KCNQ1: variants seen among roughly 807,000 people sequenced by gnomAD.
KCNQ1 encodes potassium voltage-gated channel subfamily Q member 1, also known as potassium voltage-gated channel subfamily KQT member 1.
In KCNQ1, 49 loss-of-function variants were observed where a neutral mutation model predicts 72.4. The observed-to-expected ratio is 0.68, with a 90% confidence interval of 0.54 to 0.86. The LOEUF (loss-of-function observed/expected upper bound fraction) is 0.86, where lower values mean the gene tolerates loss of function less well. KCNQ1 is among the 40% of genes least tolerant of loss of function. KCNQ1 has a pLI of 0.00. For missense variants in KCNQ1, 790 were observed against 945.1 expected (o/e 0.84, Z 2.15); for synonymous variants, 450 against 412.6 (o/e 1.09, Z -1.10).
chr11:2,538,621 C>G lies in KCNQ1; in HGVS notation c.477+10603C>G, dbSNP rs953472523. Reference sequence around the variant, plus strand: ...TCCTGGGCTGGAACCGGAACGTTCCCCGAGTACATAGGAATCCTGGGCTGG... The same window carrying G: ...TCCTGGGCTGGAACCGGAACGTTCCGCGAGTACATAGGAATCCTGGGCTGG... On this transcript the variant is annotated intron_variant, in intron 2 of 15. Coordinates refer to ENST00000155840, the MANE Select transcript of KCNQ1 (RefSeq NM_000218.3). This position sits in a 1 kb window ranked among gnomAD's most constrained non-coding sequence, Gnocchi z 6.7. Among the ~76,000 whole-genome samples the G allele has an allele frequency of 2.6e-5, 4 of 151,970 alleles. No homozygotes were observed. Among genetic ancestry groups the G allele is most frequent in the Non-Finnish European group, 5.9e-5 (4 of 68,014 alleles).
At chr11:2,506,434 G>A (rs1215296189) in intron 1 of KCNQ1, among the ~76,000 whole-genome samples, 1 of 152,150 alleles carries the variant, frequency 6.6e-6, no homozygotes, top group Admixed American at 6.5e-5. Flanking sequence ...GATGTGCCAT[G>A]CTTATTCAAA....
Position 2,623,430 on chromosome 11 carries a change from T to C in KCNQ1, c.1393+34576T>C. ...CTCTGTGCACTGCCTATTCAACCCTTCTTCCCCAACAACCCTTGGCAACCA... is the reference window on the plus strand; with the variant it reads ...CTCTGTGCACTGCCTATTCAACCCTCCTTCCCCAACAACCCTTGGCAACCA... On this transcript the variant is annotated intron_variant, in intron 10 of 15. Coordinates refer to ENST00000155840, the MANE Select transcript of KCNQ1 (RefSeq NM_000218.3). The surrounding 1 kb of genome is among the most constrained non-coding windows in gnomAD (Gnocchi z 5.2). 1 of 398,626 alleles carries C rather than the reference T, an allele frequency of 2.5e-6. No individual in the cohort carries two copies. The highest frequency in any genetic ancestry group is 4.4e-6 in the Non-Finnish European group (1 of 226,066). The allele number at this position is 398,626 out of a possible 1,614,324, so 24.7% of individuals were successfully genotyped here. A position where few individuals can be genotyped will look rare whatever the true frequency, so the allele number is the denominator to read the frequency against.
At position 2,601,584 on chromosome 11, in the gene KCNQ1, C is replaced by T. The variant is rs998458128; in HGVS notation, c.1393+12730C>T. 2.0e-5 allele frequency among the ~76,000 whole-genome samples: 3 copies of T among 152,186 alleles called. No homozygotes were observed. Among genetic ancestry groups the T allele is most frequent in the Admixed American group, 1.3e-4 (2 of 15,278 alleles). ...ACACGGACTTTCTCCCATCCCATCC[C>T]TCCAATCCCTGGTGACCACTCATCT... On this transcript the variant is annotated intron_variant, in intron 10 of 15. Transcript: ENST00000155840. This position sits in a 1 kb window ranked among gnomAD's most constrained non-coding sequence, Gnocchi z 5.2.
intron 15 of KCNQ1, among the ~76,000 whole-genome samples, chr11:2,802,464 C>T (rs1590098979): frequency 6.6e-6 from 1 of 152,230 alleles, no homozygotes; most frequent in Non-Finnish European, 1.5e-5. Context: ...TGCCCAATGT[C>T]TATTAATTAA....
intron 2 of KCNQ1, among the ~76,000 whole-genome samples, chr11:2,570,357 G>A (rs1199213615): frequency 1.3e-5 from 2 of 152,266 alleles, no homozygotes; most frequent in African/African-American, 4.8e-5. Context: ...GGTTCCTGGT[G>A]TGGGGCCTCC....
chr11:2,528,424 C>T (rs1309590589), intron 2 of KCNQ1, among the ~76,000 whole-genome samples: 1 of 152,232 alleles, frequency 6.6e-6, no homozygotes, highest in Non-Finnish European at 1.5e-5. Flanking sequence ...GCTGGTGTCC[C>T]AGCAGCAGCC....
chr11:2,503,029 ACAAAT>A (rs573074424), intron 1 of KCNQ1, among the ~76,000 whole-genome samples: 149 of 152,324 alleles, frequency 9.8e-4, no homozygotes, highest in African/African-American at 3.1e-3. Context: ...TATAAAAAAA[ACAAAT>A]CAAAGTGAAT....
At chr11:2,535,946 G>A (rs769550727) in intron 2 of KCNQ1, among the ~76,000 whole-genome samples, 1 of 152,222 alleles carries the variant, frequency 6.6e-6, no homozygotes, top group African/African-American at 2.4e-5. Context: ...GGGGGCAGGG[G>A]CGCTGCTGAA....
intron 6 of KCNQ1, among the ~76,000 whole-genome samples, chr11:2,575,093 C>G (rs1164270633): frequency 6.6e-6 from 1 of 152,178 alleles, no homozygotes; most frequent in Non-Finnish European, 1.5e-5. Flanking sequence ...AAGCAGTGCC[C>G]AGCCTTCGCT....
intron 1 of KCNQ1, among the ~76,000 whole-genome samples, chr11:2,522,267 AG>A (rs745805851): frequency 1.1e-4 from 9 of 83,200 alleles, no homozygotes; most frequent in Non-Finnish European, 1.6e-4. Flanking sequence ...GGACCACATG[AG>A]CTGGGGGGGG....
At chr11:2,716,536 C>T (rs1157677975) in intron 11 of KCNQ1, among the ~76,000 whole-genome samples, 1 of 152,242 alleles carries the variant, frequency 6.6e-6, no homozygotes, top group Non-Finnish European at 1.5e-5. Context: ...GTGCTTCCCA[C>T]CCAGGCTCTT....
At position 2,583,554 on chromosome 11, in the gene KCNQ1, C is replaced by T; in HGVS notation, c.1032+9C>T. The T allele has an allele frequency of 6.3e-7, 1 of 1,595,552 alleles. No individual in the cohort carries two copies. The highest frequency in any genetic ancestry group is 1.1e-5 in the South Asian group (1 of 90,758). On this transcript the variant is annotated intron_variant, in intron 7 of 15. Transcript: ENST00000155840. ...TCTTTGCGCTCCCAGCGGTAGGTGCCCCGTGGGTGCGTTTTCCCTGGCTCC... is the reference window on the plus strand; with the variant it reads ...TCTTTGCGCTCCCAGCGGTAGGTGCTCCGTGGGTGCGTTTTCCCTGGCTCC...
rs1355057842 is a variant in KCNQ1, at chr11:2,657,106, A to G, written c.1394-4855A>G. On this transcript the variant is annotated intron_variant, in intron 10 of 15. Transcript: ENST00000155840. This position sits in a 1 kb window ranked among gnomAD's most constrained non-coding sequence, Gnocchi z 4.8. ...TTGTCTCTCCCTGTGTCAATACCAC[A>G]TTGCCCTAATGACCACTGCCTTGGA... 7.5e-6 allele frequency: 3 copies of G among 398,620 alleles called. No individual in the cohort carries two copies. The highest frequency in any genetic ancestry group is 1.3e-5 in the Non-Finnish European group (3 of 226,058). 24.7% of individuals were successfully genotyped at this position (398,620 alleles called of 1,614,324 possible).
At chr11:2,586,656 G>T (rs113937558) in intron 8 of KCNQ1, among the ~76,000 whole-genome samples, 16 of 152,170 alleles carry the variant, frequency 1.1e-4, no homozygotes, top group African/African-American at 3.9e-4. Flanking sequence ...GCCTGTGTGT[G>T]TAACACTCGG....
chr11:2,565,660 G>T lies in KCNQ1; in HGVS notation c.478-4968G>T, dbSNP rs114090538. 6.6e-6 allele frequency among the ~76,000 whole-genome samples: 1 copy of T among 152,290 alleles called. No homozygotes were observed. Among genetic ancestry groups the T allele is most frequent in the African/African-American group, 2.4e-5 (1 of 41,560 alleles). On this transcript the variant is annotated intron_variant, in intron 2 of 15. Transcript: ENST00000155840. This position sits in a 1 kb window ranked among gnomAD's most constrained non-coding sequence, Gnocchi z 5.6. The stretch of plus-strand genomic sequence containing the variant: ...GGCCTATCTTGTTTTGGGGGGCAGG[G>T]ACCCAGAAACTCATTGCTTTCAGGC...
chr11:2,631,304 T>A, intron 10 of KCNQ1: 1 of 398,570 alleles, frequency 2.5e-6, no homozygotes. Context: ...CTCTACTGGT[T>A]ATTTTCAAAT....
intron 7 of KCNQ1, 150 bp from the exon 8 acceptor site, chr11:2,585,062 G>A: frequency 2.7e-6 from 2 of 729,338 alleles, no homozygotes; most frequent in Non-Finnish European, 5.0e-6. Flanking sequence ...CCCAGGACAG[G>A]CAGGCTGGGC....
Position 2,626,316 on chromosome 11 carries a change from A to C in KCNQ1, c.1394-35645A>C, listed in dbSNP as rs1849261695. ...CATTCTCTTGAGTTAATTTTTGTGT[A>C]TGGTATTAGGTAAGGGTCTCAACTT... On this transcript the variant is annotated intron_variant, in intron 10 of 15. Coordinates refer to ENST00000155840, the MANE Select transcript of KCNQ1 (RefSeq NM_000218.3). This position sits in a 1 kb window ranked among gnomAD's most constrained non-coding sequence, Gnocchi z 4.0. 2 of 398,352 alleles carry C rather than the reference A, an allele frequency of 5.0e-6. No homozygotes were observed. Among genetic ancestry groups the C allele is most frequent in the Non-Finnish European group, 8.8e-6 (2 of 226,060 alleles). 24.7% of individuals were successfully genotyped at this position (398,352 alleles called of 1,614,324 possible). A position where few individuals can be genotyped will look rare whatever the true frequency, so the allele number is the denominator to read the frequency against.
chr11:2,471,879 T>C lies in KCNQ1; in HGVS notation c.386+26395T>C, dbSNP rs989852129. ...GTGTGTGTTTATGTATGGGTGTGTG[T>C]GCACATGTGTATAGGTGTGTGTATG... On this transcript the variant is annotated intron_variant, in intron 1 of 15. Transcript: ENST00000155840. This position sits in a 1 kb window ranked among gnomAD's most constrained non-coding sequence, Gnocchi z 4.8. 3.3e-5 allele frequency among the ~76,000 whole-genome samples: 5 copies of C among 152,066 alleles called. No individual in the cohort carries two copies. The highest frequency in any genetic ancestry group is 9.7e-5 in the African/African-American group (4 of 41,386).
Sources: allele counts gnomAD v4.1 joint callset (sites outside exome capture counted in the v4.1 genomes callset), GRCh38; gene constraint gnomAD v4.1.1; non-coding constraint Gnocchi (gnomAD v3.1); transcripts MANE v1.5; gene names NCBI Gene and HGNC (gene_info 2026-07-23, HGNC 2026-07-21).